Variants in MSI2 observed in about 807,000 individuals in gnomAD.
The protein encoded by MSI2 is musashi RNA binding protein 2.
A neutral mutation model predicts 45.6 loss-of-function variants in MSI2; 17 were observed. The observed-to-expected ratio is 0.37, with a 90% CI of 0.26 to 0.56. MSI2 has a LOEUF of 0.56. Among genes scored for constraint, MSI2 ranks in the 20% least tolerant of loss-of-function variants. The probability of loss-of-function intolerance (pLI) is 0.77; values close to 1 mark genes in which losing one functional copy is unlikely to be tolerated. For missense variants in MSI2, 293 were observed against 444.2 expected (o/e 0.66, Z 3.06); for synonymous variants, 156 against 158.2 (o/e 0.99, Z 0.11).
intron 5 of MSI2, among the ~76,000 whole-genome samples, chr17:57,319,207 G>A (rs2143656960): frequency 6.6e-6 from 1 of 152,390 alleles, no homozygotes. Flanking sequence ...CGAAGCCTGT[G>A]CTGTCACTGG....
chr17:57,578,802 TTA>T (rs1205518872), intron 7 of MSI2, among the ~76,000 whole-genome samples: 27 of 152,234 alleles, frequency 1.8e-4, no homozygotes, highest in African/African-American at 6.5e-4. Flanking sequence ...TAACAAATCA[TTA>T]TAAACCCTCT....
At chr17:57,325,505 G>C (rs2143695380) in intron 5 of MSI2, among the ~76,000 whole-genome samples, 1 of 152,368 alleles carries the variant, frequency 6.6e-6, no homozygotes, top group Admixed American at 6.5e-5. Flanking sequence ...AAAGGGACGT[G>C]TTTGAGTCCT....
intron 5 of MSI2, among the ~76,000 whole-genome samples, chr17:57,281,110 T>C (rs1021047929): frequency 6.6e-6 from 1 of 152,126 alleles, no homozygotes; most frequent in Non-Finnish European, 1.5e-5. Flanking sequence ...GGCAATATCA[T>C]ACCAGGTGTG....
At chr17:57,697,132 C>T in the MSI2 span, among the ~76,000 whole-genome samples, 2 of 30,242 alleles carry the variant, frequency 6.6e-5, no homozygotes, top group Admixed American at 6.2e-4. Context: ...TGTCTTCATC[C>T]TCGCCAGCAG....
At chr17:57,262,790 G>A (rs1013340701) in intron 5 of MSI2, among the ~76,000 whole-genome samples, 1 of 152,188 alleles carries the variant, frequency 6.6e-6, no homozygotes, top group Admixed American at 6.5e-5. Context: ...AACCTTGTAG[G>A]AGTGGCACTA....
At chr17:57,502,634 T>TAGAGAGAGAG (rs2086138305) in intron 6 of MSI2, among the ~76,000 whole-genome samples, 2 of 129,952 alleles carry the variant, frequency 1.5e-5, no homozygotes, top group Non-Finnish European at 3.3e-5. Context: ...TATATATATA[T>TAGAGAGAGAG]ATAGTCATCA....
intron 5 of MSI2, among the ~76,000 whole-genome samples, chr17:57,372,492 A>C (rs1174692387): frequency 6.6e-6 from 1 of 152,220 alleles, no homozygotes; most frequent in African/African-American, 2.4e-5. Context: ...AAATAAAATG[A>C]AACCTGAGAT....
At chr17:57,339,874 A>T (rs1163295811) in intron 5 of MSI2, among the ~76,000 whole-genome samples, 1 of 151,870 alleles carries the variant, frequency 6.6e-6, no homozygotes, top group Non-Finnish European at 1.5e-5. Flanking sequence ...CTGGAAAACC[A>T]TTTTCCCAGC....
intron 1 of MSI2, 35 bp from the exon 2 acceptor site, chr17:57,257,063 T>A (rs1297472440): frequency 4.9e-6 from 7 of 1,430,392 alleles, no homozygotes; most frequent in Non-Finnish European, 6.6e-6. Flanking sequence ...CGATCTGACA[T>A]CGGTGCTCAC....
the MSI2 span, among the ~76,000 whole-genome samples, chr17:57,694,188 G>A: frequency 6.6e-6 from 1 of 152,210 alleles, no homozygotes; most frequent in Admixed American, 6.5e-5. Context: ...TTTGCCCCTT[G>A]ATGTGGGTGG....
intron 7 of MSI2, among the ~76,000 whole-genome samples, chr17:57,536,490 G>A (rs2086922962): frequency 6.6e-6 from 1 of 152,162 alleles, no homozygotes; most frequent in African/African-American, 2.4e-5. Flanking sequence ...CCTCGTTTGG[G>A]GTCTGGAGCA....
the MSI2 span, among the ~76,000 whole-genome samples, chr17:57,697,350 C>G: frequency 6.6e-6 from 1 of 151,968 alleles, no homozygotes; most frequent in African/African-American, 2.4e-5. Context: ...CTCACTCACA[C>G]CCATGGCCAC....
At chr17:57,331,735 C>T (rs933160540) in intron 5 of MSI2, among the ~76,000 whole-genome samples, 1 of 152,184 alleles carries the variant, frequency 6.6e-6, no homozygotes, top group Non-Finnish European at 1.5e-5. Flanking sequence ...TAGGGTCTGT[C>T]TCAGAACAGT....
In MSI2 at chr17:57,677,095, G is replaced by A. The variant is rs537398091; in HGVS notation, c.*31+36G>A. ...CTCTGCCATGTGTCTCTGCCCTGCC[G>A]GTGTGTCCGTACATGTATGTCCACA... On this transcript the variant is annotated intron_variant, in intron 13 of 13. Coordinates refer to ENST00000284073, the MANE Select transcript of MSI2 (RefSeq NM_138962.4). 5.2e-5 allele frequency: 75 copies of A among 1,455,214 alleles called. 1 individual carries two copies. The East Asian group carries it at 1.1e-3, about 22-fold the overall frequency. The allele number at this position is 1,455,214 out of a possible 1,614,324, so 90.1% of individuals were successfully genotyped here. A position where few individuals can be genotyped will look rare whatever the true frequency, so the allele number is the denominator to read the frequency against.
intron 5 of MSI2, among the ~76,000 whole-genome samples, chr17:57,272,451 GA>G (rs1447767322): frequency 6.6e-6 from 1 of 152,152 alleles, no homozygotes; most frequent in East Asian, 1.9e-4. Flanking sequence ...AGGGAGAGGG[GA>G]AAAGAAAACC....
intron 5 of MSI2, among the ~76,000 whole-genome samples, chr17:57,289,562 A>C (rs1910232497): frequency 6.6e-6 from 1 of 151,932 alleles, no homozygotes; most frequent in Non-Finnish European, 1.5e-5. Flanking sequence ...CTGTAAGACG[A>C]GCCTGGAAGG....
intron 7 of MSI2, among the ~76,000 whole-genome samples, chr17:57,548,898 T>TCCCCCCCCCCCCCCCCCCCC (rs758120237): frequency 3.2e-4 from 39 of 121,278 alleles, no homozygotes; most frequent in East Asian, 4.6e-4. Flanking sequence ...TGTTTACCCT[T>TCCCCCCCCCCCCCCCCCCCC]CCCCCCCCCA....
At chr17:57,544,819 G>A (rs1022185639) in intron 7 of MSI2, among the ~76,000 whole-genome samples, 1 of 152,036 alleles carries the variant, frequency 6.6e-6, no homozygotes, top group African/African-American at 2.4e-5. Flanking sequence ...TATTTAATTT[G>A]GCCTCTACCC....
intron 5 of MSI2, among the ~76,000 whole-genome samples, chr17:57,391,543 C>T (rs1167304412): frequency 6.6e-6 from 1 of 152,170 alleles, no homozygotes; most frequent in African/African-American, 2.4e-5. Context: ...GTGCTTTAGT[C>T]ATGGGACCCT....
Sources: gnomAD v4.1 joint callset for allele counts (sites outside exome capture counted in the v4.1 genomes callset) on GRCh38, gnomAD v4.1.1 for gene constraint, MANE v1.5 for transcripts, NCBI Gene and HGNC (gene_info 2026-07-23, HGNC 2026-07-21) for gene names.